Variants in LTBP1 observed in about 807,000 individuals in gnomAD.
LTBP1 encodes latent transforming growth factor beta binding protein 1, also known as latent-transforming growth factor beta-binding protein 1.
Under a neutral mutation model 207.6 loss-of-function variants are expected in LTBP1, and 129 were observed. That is an observed-to-expected ratio of 0.62 (90% CI 0.54 to 0.72). The LOEUF (loss-of-function observed/expected upper bound fraction) is 0.72. Among genes scored for constraint, LTBP1 ranks in the 30% least tolerant of loss-of-function variants. LTBP1 has a pLI of 0.00. For synonymous variants in LTBP1, 963 were observed against 833.7 expected, an observed-to-expected ratio of 1.16 and a Z score of -2.67; for missense variants, 2,281 against 2,217.2, an observed-to-expected ratio of 1.03 and a Z score of -0.58.
At chr2:33,199,067 C>T (rs375526099) in intron 7 of LTBP1, among the ~76,000 whole-genome samples, 98 of 152,016 alleles carry the variant, frequency 6.4e-4, no homozygotes, top group African/African-American at 8.4e-4. Context: ...CACACTGCTT[C>T]GAATGTGTCC....
chr2:33,024,072 A>G (rs2075301053), intron 3 of LTBP1, among the ~76,000 whole-genome samples: 1 of 152,188 alleles, frequency 6.6e-6, no homozygotes, highest in African/African-American at 2.4e-5. Flanking sequence ...TATCATCTTG[A>G]TCACTTATTC....
intron 2 of LTBP1, among the ~76,000 whole-genome samples, chr2:32,950,546 C>A (rs570234471): frequency 8.2e-6 from 1 of 121,430 alleles, no homozygotes; most frequent in Non-Finnish European, 1.7e-5. Flanking sequence ...GTGACAATGA[C>A]TCTGTCTCAA....
rs1304997525 is a variant in LTBP1 at position 33,274,947 on chromosome 2, A to G, written c.2744-18A>G. ...TGCTACACAGAACTAATATTTTTAT[A>G]TGTATTTTTGTTAACAGATATTGAT... is the stretch of plus-strand genomic sequence containing the variant. On this transcript the variant is annotated intron_variant, in intron 16 of 33. Coordinates refer to ENST00000404816, the MANE Select transcript of LTBP1 (RefSeq NM_206943.4). The G allele has an allele frequency of 1.2e-6, 2 of 1,611,958 alleles. No homozygotes were observed. Among genetic ancestry groups the G allele is most frequent in the African/African-American group, 1.3e-5 (1 of 74,844 alleles).
chr2:32,973,229 G>A (rs981983855), intron 2 of LTBP1, among the ~76,000 whole-genome samples: 1 of 152,090 alleles, frequency 6.6e-6, no homozygotes, highest in Non-Finnish European at 1.5e-5. Flanking sequence ...GTCTAATACT[G>A]TCAGTGGGTG....
chr2:32,996,016 A>C (rs1685212147), intron 2 of LTBP1, among the ~76,000 whole-genome samples: 1 of 152,202 alleles, frequency 6.6e-6, no homozygotes, highest in Non-Finnish European at 1.5e-5. Context: ...TTTCCTATAC[A>C]TATCGATATG....
chr2:33,247,331 A>G (rs1030213204), intron 10 of LTBP1, among the ~76,000 whole-genome samples: 6 of 152,232 alleles, frequency 3.9e-5, no homozygotes, highest in Non-Finnish European at 5.9e-5. Flanking sequence ...TACATTGGGA[A>G]ACTAAAGCTA....
At chr2:33,229,120 G>C (rs1439939715) in intron 9 of LTBP1, among the ~76,000 whole-genome samples, 1 of 152,100 alleles carries the variant, frequency 6.6e-6, no homozygotes, top group Non-Finnish European at 1.5e-5. Context: ...CATCTGTTGT[G>C]AGAGCTAATA....
chr2:33,333,534 T>A (rs72859576), intron 24 of LTBP1, among the ~76,000 whole-genome samples: 2,385 of 152,260 alleles, frequency 0.016, 66 homozygotes, highest in African/African-American at 0.054. Flanking sequence ...GATTAGAACA[T>A]AGAGTTGAAC....
rs576596766 is a variant in LTBP1 at position 33,056,429 on chromosome 2, C to A, written c.863+35223C>A. 91 of 1,018,906 alleles carry A rather than the reference C, an allele frequency of 8.9e-5. No homozygotes were observed. The South Asian group carries it at 2.0e-3, about 23-fold the overall frequency. 63.1% of individuals were successfully genotyped at this position (1,018,906 alleles called of 1,614,324 possible). On this transcript the variant is annotated intron_variant, in intron 3 of 33. Coordinates refer to ENST00000404816, the MANE Select transcript of LTBP1 (RefSeq NM_206943.4). Reference sequence around the variant, plus strand: ...CGCCCTGGGCGATGGTGACTTTGCCCAGCAGCTTGTTTAGTTCCCTGTTGT... The same window carrying A: ...CGCCCTGGGCGATGGTGACTTTGCCAAGCAGCTTGTTTAGTTCCCTGTTGT...
intron 4 of LTBP1, among the ~76,000 whole-genome samples, chr2:33,133,591 C>A (rs1249168248): frequency 6.6e-6 from 1 of 152,186 alleles, no homozygotes; most frequent in Admixed American, 6.5e-5. Flanking sequence ...CAGTGAAGGG[C>A]AGGTCTGGGT....
intron 7 of LTBP1, among the ~76,000 whole-genome samples, chr2:33,190,362 G>A (rs899278568): frequency 2.0e-5 from 3 of 152,184 alleles, no homozygotes; most frequent in Non-Finnish European, 4.4e-5. Context: ...ATATGCGCAT[G>A]AAATACTTGG....
chr2:33,300,367 C>G, intron 20 of LTBP1, 84 bp from the exon 21 acceptor site: 1 of 1,389,478 alleles, frequency 7.2e-7, no homozygotes, highest in Non-Finnish European at 1.0e-6. Flanking sequence ...TTTTGTTACA[C>G]TAATCCCAGA....
In LTBP1 at chr2:33,222,101, T is replaced by C; in HGVS notation, c.1826T>C (p.Met609Thr). The C allele has an allele frequency of 6.2e-7, 1 of 1,612,906 alleles. No individual in the cohort carries two copies. The highest frequency in any genetic ancestry group is 8.5e-7 in the Non-Finnish European group (1 of 1,178,870). Residue 609 changes from methionine to threonine, a missense_variant, in exon 9 of 34, where the codon ATG becomes ACG. By Grantham distance (81) the Met-to-Thr change is moderately conservative. Transcript: ENST00000404816. ...KKPSYHGYNQ[M>T]MECLPGYKRV... ...ACAGCTTATCATGGATACAACCAAA[T>C]GATGGAATGCCTACCGGGTTATAAG...
chr2:33,131,842 A>AT (rs914220566), intron 4 of LTBP1, among the ~76,000 whole-genome samples: 4 of 151,922 alleles, frequency 2.6e-5, no homozygotes, highest in South Asian at 2.1e-4. Context: ...GCCAAAAGAA[A>AT]TTTTTTTTTG....
chr2:33,155,537 G>C (rs2083904444), intron 5 of LTBP1, among the ~76,000 whole-genome samples: 2 of 152,112 alleles, frequency 1.3e-5, no homozygotes, highest in African/African-American at 2.4e-5. Context: ...TTGAGGGTTT[G>C]TCCTGTGCAT....
chr2:32,965,517 C>T (rs1186413018), intron 2 of LTBP1, among the ~76,000 whole-genome samples: 1 of 152,202 alleles, frequency 6.6e-6, no homozygotes, highest in Admixed American at 6.5e-5. Flanking sequence ...AACCACTGAT[C>T]CTTTTACTGT....
intron 4 of LTBP1, among the ~76,000 whole-genome samples, chr2:33,126,896 A>G (rs1212626893): frequency 6.6e-6 from 1 of 152,226 alleles, no homozygotes; most frequent in East Asian, 1.9e-4. Flanking sequence ...CTCTAATTTT[A>G]AATTAATTTA....
intron 3 of LTBP1, among the ~76,000 whole-genome samples, chr2:33,088,797 A>G (rs148844976): frequency 2.0e-5 from 3 of 152,358 alleles, no homozygotes; most frequent in East Asian, 1.9e-4. Flanking sequence ...CTATTTGATC[A>G]TGGTCAAGAT....
At chr2:33,176,580 T>A (rs1399895457) in intron 5 of LTBP1, among the ~76,000 whole-genome samples, 1 of 152,172 alleles carries the variant, frequency 6.6e-6, no homozygotes, top group African/African-American at 2.4e-5. Flanking sequence ...TTGATTGACA[T>A]ATTCTTTTTG....
Sources: gnomAD v4.1 joint callset for allele counts (sites outside exome capture counted in the v4.1 genomes callset) on GRCh38, gnomAD v4.1.1 for gene constraint, MANE v1.5 for transcripts, NCBI Gene and HGNC (gene_info 2026-07-23, HGNC 2026-07-21) for gene names.